The following SEL1L3 variants were observed in gnomAD, a reference collection of about 807,000 sequenced individuals.
The protein encoded by SEL1L3 is SEL1L family member 3.
In SEL1L3, 76 loss-of-function variants were observed where a neutral mutation model predicts 142.8. That is an observed-to-expected ratio of 0.53 (90% CI 0.44 to 0.64). The LOEUF (loss-of-function observed/expected upper bound fraction) is 0.64. SEL1L3 is among the 30% of genes least tolerant of loss of function. The pLI, the probability that SEL1L3 is intolerant of heterozygous loss-of-function variation, is 0.00. For missense variants in SEL1L3, 1,262 were observed against 1,381.7 expected (o/e 0.91, Z 1.37); for synonymous variants, 504 against 519.6 (o/e 0.97, Z 0.41).
At chr4:25,835,544 C>A (rs770067131) in intron 2 of SEL1L3, among the ~76,000 whole-genome samples, 15 of 152,212 alleles carry the variant, frequency 9.9e-5, no homozygotes, top group Non-Finnish European at 2.1e-4. Context: ...GAAGTAGATT[C>A]TATTATTAGT....
chr4:25,733,438 A>G, the SEL1L3 span, among the ~76,000 whole-genome samples: 1 of 151,416 alleles, frequency 6.6e-6, no homozygotes, highest in Non-Finnish European at 1.5e-5. Context: ...ATATCAAAAC[A>G]TAATTTTTTT....
chr4:25,836,491 A>C (rs373253179), intron 2 of SEL1L3, among the ~76,000 whole-genome samples: 1 of 151,934 alleles, frequency 6.6e-6, no homozygotes, highest in Non-Finnish European at 1.5e-5. Context: ...TACTAAAAAT[A>C]CAAAAAAAAA....
chr4:25,800,336 A>G (rs896513236), intron 11 of SEL1L3, among the ~76,000 whole-genome samples: 6 of 152,244 alleles, frequency 3.9e-5, no homozygotes, highest in Admixed American at 3.9e-4. Context: ...AAAATGAGCT[A>G]TGACACAACT....
At chr4:25,837,134 G>A (rs1228196853) in intron 2 of SEL1L3, among the ~76,000 whole-genome samples, 1 of 151,650 alleles carries the variant, frequency 6.6e-6, no homozygotes, top group Non-Finnish European at 1.5e-5. Context: ...TCTATGACGG[G>A]GGTGGTGAGA....
intron 20 of SEL1L3, 46 bp downstream of exon 20, chr4:25,765,280 C>T: frequency 7.6e-7 from 1 of 1,310,892 alleles, no homozygotes; most frequent in Non-Finnish European, 1.1e-6. Context: ...AGGCATGAGC[C>T]ACCGTGCCCG....
intron 8 of SEL1L3, among the ~76,000 whole-genome samples, chr4:25,818,899 G>A (rs1369986816): frequency 6.6e-6 from 1 of 152,144 alleles, no homozygotes; most frequent in East Asian, 1.9e-4. Flanking sequence ...GTCACCATCT[G>A]TAATCACTAC....
chr4:25,831,172 A>T (rs1381304467), intron 5 of SEL1L3, among the ~76,000 whole-genome samples: 1 of 152,116 alleles, frequency 6.6e-6, no homozygotes, highest in Non-Finnish European at 1.5e-5. Flanking sequence ...ACTACTTTTA[A>T]TCTTCTGCTC....
At chr4:25,715,273 C>A in the SEL1L3 span, among the ~76,000 whole-genome samples, 43,784 of 152,064 alleles carry the variant, frequency 0.29, 7,676 homozygotes, top group Non-Finnish European at 0.37. Context: ...AGGACCATCA[C>A]TTGGGTCCAG....
intron 5 of SEL1L3, among the ~76,000 whole-genome samples, chr4:25,831,738 T>A (rs572082280): frequency 3.7e-4 from 57 of 152,080 alleles, no homozygotes; most frequent in African/African-American, 1.3e-3. Context: ...TTGGCCAGGC[T>A]GGTCTCCTGA....
upstream of SEL1L3, chr4:25,863,525 C>G (rs1292651245): frequency 2.8e-6 from 2 of 702,830 alleles, no homozygotes; most frequent in Admixed American, 2.0e-5. Context: ...CCGCAGGGCG[C>G]AGGGCGAGTG....
downstream of SEL1L3, among the ~76,000 whole-genome samples, chr4:25,747,200 G>A (rs984832572): frequency 2.6e-5 from 4 of 152,164 alleles, no homozygotes; most frequent in Admixed American, 1.3e-4. Context: ...ACAAAGCCCT[G>A]AAACAATGTC....
At chr4:25,857,441 C>G (rs910682272) in intron 1 of SEL1L3, among the ~76,000 whole-genome samples, 1 of 152,192 alleles carries the variant, frequency 6.6e-6, no homozygotes, top group Admixed American at 6.5e-5. Context: ...TCATTGAGTA[C>G]CTACTGTGTA....
At chr4:25,749,963 G>A (rs944155758) in intron 23 of SEL1L3, among the ~76,000 whole-genome samples, 3 of 151,892 alleles carry the variant, frequency 2.0e-5, no homozygotes, top group South Asian at 2.1e-4. Context: ...GCCGGGCGCC[G>A]TGGCTCACGC....
At chr4:25,716,526 A>T in the SEL1L3 span, among the ~76,000 whole-genome samples, 1 of 152,196 alleles carries the variant, frequency 6.6e-6, no homozygotes. Flanking sequence ...CTTCTAGAAC[A>T]TTTGCTTTAA....
At chr4:25,826,228 C>T (rs557028500) in intron 6 of SEL1L3, among the ~76,000 whole-genome samples, 11 of 152,220 alleles carry the variant, frequency 7.2e-5, no homozygotes, top group African/African-American at 1.9e-4. Flanking sequence ...ATGAATTTAA[C>T]GCTATAGAGG....
intron 20 of SEL1L3, among the ~76,000 whole-genome samples, chr4:25,760,631 C>A (rs895767209): frequency 1.3e-5 from 2 of 152,078 alleles, no homozygotes; most frequent in African/African-American, 2.4e-5. Context: ...TTGATTTGTG[C>A]TTCCCTTATG....
intron 1 of SEL1L3, among the ~76,000 whole-genome samples, chr4:25,850,118 C>T (rs962949602): frequency 2.6e-5 from 4 of 152,188 alleles, no homozygotes; most frequent in South Asian, 2.1e-4. Flanking sequence ...TATGTGGACA[C>T]GCAGGTATGA....
intron 14 of SEL1L3, 132 bp downstream of exon 14, chr4:25,784,096 C>T (rs1711614185): frequency 2.7e-6 from 2 of 747,682 alleles, no homozygotes; most frequent in Non-Finnish European, 4.7e-6. Context: ...GTGCTGGCGA[C>T]CAACTGCTCA....
Position 25,847,532 on chromosome 4 carries a change from G to A in SEL1L3, c.495C>T (p.Ser165=). 1 of 1,613,518 alleles carries A rather than the reference G, an allele frequency of 6.2e-7. No individual in the cohort carries two copies. The highest frequency in any genetic ancestry group is 2.2e-5 in the East Asian group (1 of 44,878). Reference sequence around the variant, plus strand: ...GTACTATCACTGCAGATACAGAGATGGAATGTCTGATGAAATAATCATCTC... The same window carrying A: ...GTACTATCACTGCAGATACAGAGATAGAATGTCTGATGAAATAATCATCTC... ...VYRDDYFIRH[S]ISVSAVIVRA... is the part of the protein sequence containing the mutation. The change falls in exon 2 of 24, where the codon TCC becomes TCT. Residue 165 remains serine, a synonymous_variant. Transcript: ENST00000399878.
Sources: gnomAD v4.1 joint callset for allele counts (sites outside exome capture counted in the v4.1 genomes callset) on GRCh38, gnomAD v4.1.1 for gene constraint, MANE v1.5 for transcripts, NCBI Gene and HGNC (gene_info 2026-07-23, HGNC 2026-07-21) for gene names.